The following NCOA2 variants were observed in gnomAD, a reference collection of about 807,000 sequenced individuals.
The protein encoded by NCOA2 is nuclear receptor coactivator 2, also known as class E basic helix-loop-helix protein 75.
Under a neutral mutation model 145.1 loss-of-function variants are expected in NCOA2, and 21 were observed. That is an observed-to-expected ratio of 0.14 (90% CI 0.10 to 0.21). The LOEUF (loss-of-function observed/expected upper bound fraction) is 0.21. NCOA2 is among the 10% of genes least tolerant of loss of function. NCOA2 has a pLI of 1.00. For missense variants in NCOA2, 1,472 were observed against 1,837.6 expected, an observed-to-expected ratio of 0.80 and a Z score of 3.64; for synonymous variants, 619 against 637.5, an observed-to-expected ratio of 0.97 and a Z score of 0.44.
At chr8:70,434,592 A>T in the NCOA2 span, among the ~76,000 whole-genome samples, 6 of 152,120 alleles carry the variant, frequency 3.9e-5, no homozygotes, top group African/African-American at 1.4e-4. Flanking sequence ...TTTTGGAAAC[A>T]GGGTCTTGCT....
chr8:70,271,808 A>T (rs1825069196), intron 2 of NCOA2, among the ~76,000 whole-genome samples: 1 of 152,172 alleles, frequency 6.6e-6, no homozygotes, highest in Non-Finnish European at 1.5e-5. Context: ...ACTTGCCCTC[A>T]ACCCACATGT....
intron 4 of NCOA2, among the ~76,000 whole-genome samples, chr8:70,185,899 T>A (rs1232557407): frequency 2.6e-5 from 4 of 152,200 alleles, no homozygotes; most frequent in African/African-American, 9.7e-5. Flanking sequence ...CCATTTCTTG[T>A]GATTCTCCAA....
intron 1 of NCOA2, among the ~76,000 whole-genome samples, chr8:70,371,178 A>T (rs933174526): frequency 3.9e-5 from 6 of 152,042 alleles, no homozygotes; most frequent in Non-Finnish European, 5.9e-5. Context: ...AGTCCCAGCT[A>T]CTCGGGAGGC....
the NCOA2 span, among the ~76,000 whole-genome samples, chr8:70,425,239 C>T: frequency 2.0e-5 from 3 of 152,218 alleles, no homozygotes; most frequent in African/African-American, 7.2e-5. Context: ...GAATCACTCA[C>T]TCTGGGCTCT....
chr8:70,334,796 C>G (rs898614264), intron 1 of NCOA2, among the ~76,000 whole-genome samples: 3 of 151,956 alleles, frequency 2.0e-5, no homozygotes, highest in Admixed American at 2.0e-4. Context: ...AGACTGATAC[C>G]AGCTCTTAGT....
At position 70,355,453 on chromosome 8, in the gene NCOA2, G is replaced by T. The variant is rs117415678; in HGVS notation, c.-77+48247C>A. 2.0e-3 allele frequency among the ~76,000 whole-genome samples: 300 copies of T among 152,344 alleles called. 3 individuals are homozygous for T. Among genetic ancestry groups the T allele is most frequent in the Admixed American group, 0.016 (238 of 15,304 alleles). On this transcript the variant is annotated intron_variant, in intron 1 of 22. Coordinates refer to ENST00000452400, the MANE Select transcript of NCOA2 (RefSeq NM_006540.4). ...TGTGATCAATAAAATGAGGGGGTGA[G>T]AACTATCCTCAGGGAACCTGTATTC...
intron 2 of NCOA2, among the ~76,000 whole-genome samples, chr8:70,286,068 C>T (rs1421304040): frequency 1.3e-5 from 2 of 152,118 alleles, no homozygotes; most frequent in African/African-American, 2.4e-5. Flanking sequence ...TGTAGGTATG[C>T]AAGAAAAGTT....
Position 70,156,419 on chromosome 8 carries a change from G to T in NCOA2, c.1946C>A (p.Ser649Tyr). Reference sequence around the variant, plus strand: ...TAAGGGCGAGGGCTCCATCTGATCAGATTTGGTGGTCAGCAGCTGCAGGAG... The same window carrying T: ...TAAGGGCGAGGGCTCCATCTGATCATATTTGGTGGTCAGCAGCTGCAGGAG... ...TKLLQLLTTK[S>Y]DQMEPSPLAS... Residue 649 changes from serine (S) to tyrosine (Y), a missense_variant, in exon 11 of 23, where the codon TCT (serine) becomes TAT (tyrosine). Physicochemically the swap from Ser to Tyr is moderately radical, Grantham distance 144. Transcript: ENST00000452400. The T allele has an allele frequency of 6.2e-7, 1 of 1,614,020 alleles. No homozygotes were observed. The highest frequency in any genetic ancestry group is 1.1e-5 in the South Asian group (1 of 91,084).
At chr8:70,356,136 T>A (rs1296672642) in intron 1 of NCOA2, among the ~76,000 whole-genome samples, 1 of 152,164 alleles carries the variant, frequency 6.6e-6, no homozygotes. Flanking sequence ...TATGGGGAGA[T>A]AATTTTATAA....
chr8:70,292,803 TCA>T (rs747759577), intron 2 of NCOA2, among the ~76,000 whole-genome samples: 45 of 152,288 alleles, frequency 3.0e-4, no homozygotes, highest in Non-Finnish European at 6.3e-4. Flanking sequence ...GCTAACCGGT[TCA>T]CACTAATGTG....
At chr8:70,352,252 T>C (rs911101151) in intron 1 of NCOA2, among the ~76,000 whole-genome samples, 1 of 152,186 alleles carries the variant, frequency 6.6e-6, no homozygotes, top group Non-Finnish European at 1.5e-5. Flanking sequence ...AGTGCTATTA[T>C]GTCGTCTTTT....
At chr8:70,408,349 G>T (rs189331664), upstream of NCOA2, among the ~76,000 whole-genome samples, 1 of 152,232 alleles carries the variant, frequency 6.6e-6, no homozygotes, top group Admixed American at 6.5e-5. Flanking sequence ...TATTTCTTCT[G>T]TATGTTAGCA....
intron 4 of NCOA2, among the ~76,000 whole-genome samples, chr8:70,203,253 C>T (rs550545435): frequency 2.4e-5 from 2 of 82,296 alleles, no homozygotes; most frequent in South Asian, 6.2e-4. Context: ...TAGAACAAGA[C>T]TCTGTCTCAA....
intron 1 of NCOA2, among the ~76,000 whole-genome samples, chr8:70,362,258 T>C (rs1367030420): frequency 3.3e-5 from 5 of 152,174 alleles, no homozygotes; most frequent in Non-Finnish European, 7.4e-5. Flanking sequence ...ATCAAAACCA[T>C]ACGTCTACGT....
chr8:70,216,758 T>G lies in NCOA2; in HGVS notation c.-13A>C, dbSNP rs550330768. On this transcript the variant is annotated 5_prime_UTR_variant, in exon 3 of 23. Coordinates refer to ENST00000452400, the MANE Select transcript of NCOA2 (RefSeq NM_006540.4). ...CCATCCCACTCATCTTGAACACATA[T>G]CAGCAACTAAAACAGAAAACAGAGA... The G allele has an allele frequency of 5.7e-6, 9 of 1,581,898 alleles. No homozygotes were observed. Among genetic ancestry groups the G allele is most frequent in the Non-Finnish European group, 6.1e-6 (7 of 1,151,062 alleles).
chr8:70,272,679 C>T (rs1384106297), intron 2 of NCOA2, among the ~76,000 whole-genome samples: 2 of 152,126 alleles, frequency 1.3e-5, no homozygotes, highest in Admixed American at 6.5e-5. Flanking sequence ...GTGGTTAGGG[C>T]ATCACTAGAA....
intron 4 of NCOA2, among the ~76,000 whole-genome samples, chr8:70,190,327 A>G (rs904133326): frequency 2.0e-5 from 3 of 152,226 alleles, no homozygotes; most frequent in African/African-American, 7.2e-5. Flanking sequence ...AAAAGCATCT[A>G]TACAAAGAGG....
chr8:70,187,936 T>C (rs972595593), intron 4 of NCOA2, among the ~76,000 whole-genome samples: 1 of 152,220 alleles, frequency 6.6e-6, no homozygotes, highest in African/African-American at 2.4e-5. Context: ...CAATGGCATT[T>C]TTCCCCCAGT....
At chr8:70,335,867 T>A (rs1807539873) in intron 1 of NCOA2, among the ~76,000 whole-genome samples, 1 of 152,108 alleles carries the variant, frequency 6.6e-6, no homozygotes, top group Non-Finnish European at 1.5e-5. Flanking sequence ...ACCTGTACAG[T>A]ATGCCATTGT....
Sources: gnomAD v4.1 joint callset for allele counts (sites outside exome capture counted in the v4.1 genomes callset) on GRCh38, gnomAD v4.1.1 for gene constraint, MANE v1.5 for transcripts, NCBI Gene and HGNC (gene_info 2026-07-23, HGNC 2026-07-21) for gene names.